Variants in LIFR observed in about 807,000 individuals in gnomAD.
LIFR encodes the protein leukemia inhibitory factor receptor.
Under a neutral mutation model 122.2 loss-of-function variants are expected in LIFR, and 84 were observed. That is an observed-to-expected ratio of 0.69 (90% CI 0.58 to 0.82). The LOEUF (loss-of-function observed/expected upper bound fraction) is 0.82. Among genes scored for constraint, LIFR ranks in the 40% least tolerant of loss-of-function variants. The pLI, the probability that LIFR is intolerant of heterozygous loss-of-function variation, is 0.00. For missense variants in LIFR, 1,294 were observed against 1,311.6 expected, an observed-to-expected ratio of 0.99 and a Z score of 0.21; for synonymous variants, 422 against 434.7, an observed-to-expected ratio of 0.97 and a Z score of 0.36.
intron 4 of LIFR, among the ~76,000 whole-genome samples, chr5:38,524,836 T>A (rs1236307169): frequency 2.0e-5 from 3 of 152,054 alleles, no homozygotes. Context: ...AACACCAACA[T>A]GAATCCAGAG....
chr5:38,570,938 T>A (rs536293706), intron 1 of LIFR, among the ~76,000 whole-genome samples: 2 of 152,346 alleles, frequency 1.3e-5, no homozygotes, highest in South Asian at 4.1e-4. Context: ...TATTCATTCG[T>A]TTGTGTATTC....
At chr5:38,518,221 A>T (rs1746209498) in intron 5 of LIFR, among the ~76,000 whole-genome samples, 1 of 152,034 alleles carries the variant, frequency 6.6e-6, no homozygotes, top group South Asian at 2.1e-4. Context: ...TTTTAAATTA[A>T]AATATATATA....
chr5:38,519,001 C>G (rs983655357), intron 5 of LIFR, among the ~76,000 whole-genome samples: 1 of 152,076 alleles, frequency 6.6e-6, no homozygotes, highest in Non-Finnish European at 1.5e-5. Flanking sequence ...TACAAAAAAG[C>G]TTGTAGAGTA....
chr5:38,525,479 T>C (rs1433406146), intron 4 of LIFR, among the ~76,000 whole-genome samples: 4 of 152,122 alleles, frequency 2.6e-5, no homozygotes, highest in African/African-American at 9.7e-5. Context: ...CACATTAATC[T>C]CGGAACTTAA....
intron 1 of LIFR, among the ~76,000 whole-genome samples, chr5:38,567,617 C>G (rs1413897137): frequency 1.3e-5 from 2 of 151,666 alleles, no homozygotes; most frequent in Non-Finnish European, 2.9e-5. Context: ...GAACCTCCGC[C>G]TCTTGGGTTC....
chr5:38,480,192 C>T lies in LIFR; in HGVS notation c.*1403G>A. The T allele has an allele frequency of 4.4e-6, 1 of 228,334 alleles. No individual in the cohort carries two copies. Among genetic ancestry groups the T allele is most frequent in the Non-Finnish European group, 8.7e-6 (1 of 115,112 alleles). 14.1% of individuals were successfully genotyped at this position (228,334 alleles called of 1,614,324 possible). A position where few individuals can be genotyped will look rare whatever the true frequency, so the allele number is the denominator to read the frequency against. On this transcript the variant is annotated 3_prime_UTR_variant, in exon 20 of 20. Coordinates refer to ENST00000453190, the MANE Select transcript of LIFR (RefSeq NM_001127671.2). ...CACTTAAAATTTTCAAGTACTTTTG[C>T]CTTAAATATGAAAAGGTAAAATACA...
chr5:38,525,820 T>C (rs566357101), intron 4 of LIFR, among the ~76,000 whole-genome samples: 47 of 152,314 alleles, frequency 3.1e-4, no homozygotes, highest in African/African-American at 1.1e-3. Flanking sequence ...TTCTTTCAAA[T>C]GATTCAGGAT....
intron 1 of LIFR, among the ~76,000 whole-genome samples, chr5:38,540,401 A>C (rs1026731767): frequency 2.0e-5 from 3 of 152,230 alleles, no homozygotes; most frequent in Non-Finnish European, 4.4e-5. Flanking sequence ...CACTTCCACT[A>C]ATCACATTAT....
intron 1 of LIFR, among the ~76,000 whole-genome samples, chr5:38,541,488 G>A (rs1747590116): frequency 6.6e-6 from 1 of 152,190 alleles, no homozygotes; most frequent in African/African-American, 2.4e-5. Flanking sequence ...TCTAATACAT[G>A]AAAGATGAGT....
intron 1 of LIFR, among the ~76,000 whole-genome samples, chr5:38,553,669 T>TTA (rs1748360376): frequency 8.7e-6 from 1 of 114,876 alleles, no homozygotes; most frequent in African/African-American, 3.4e-5. Flanking sequence ...TATATATATA[T>TTA]ATATTATATG....
chr5:38,498,519 T>C (rs1745004794), intron 12 of LIFR, among the ~76,000 whole-genome samples: 1 of 152,190 alleles, frequency 6.6e-6, no homozygotes, highest in Non-Finnish European at 1.5e-5. Context: ...CCCAGTGGCA[T>C]ACCTTTTGAA....
At chr5:38,584,886 CTA>C (rs780059857) in intron 1 of LIFR, among the ~76,000 whole-genome samples, 3 of 152,098 alleles carry the variant, frequency 2.0e-5, no homozygotes, top group South Asian at 2.1e-4. Flanking sequence ...ACAAAAGTGA[CTA>C]TGTGAGAGGA....
At chr5:38,594,617 G>C (rs1750037970) in intron 1 of LIFR, among the ~76,000 whole-genome samples, 1 of 152,030 alleles carries the variant, frequency 6.6e-6, no homozygotes, top group South Asian at 2.1e-4. Flanking sequence ...ACCTAAAACT[G>C]CTCTAAGAAA....
Position 38,506,203 on chromosome 5 carries a change from A to G in LIFR, c.1122-129T>C, listed in dbSNP as rs74371963. On this transcript the variant is annotated intron_variant, in intron 8 of 19. Transcript: ENST00000453190. ...CTAATTAGAAGCATATTACATACTC[A>G]GAGAAGAAAATGTATGTGATACAGA... 1,443 of 661,780 alleles carry G rather than the reference A, an allele frequency of 2.2e-3. 7 individuals are homozygous for G. The highest frequency in any genetic ancestry group is 0.02 in the African/African-American group (1,114 of 54,970). The allele number at this position is 661,780 out of a possible 1,614,324, so 41.0% of individuals were successfully genotyped here. A position where few individuals can be genotyped will look rare whatever the true frequency, so the allele number is the denominator to read the frequency against.
intron 12 of LIFR, among the ~76,000 whole-genome samples, chr5:38,498,403 T>C (rs1202245180): frequency 6.6e-6 from 1 of 152,178 alleles, no homozygotes; most frequent in Non-Finnish European, 1.5e-5. Context: ...CATCTCCAAG[T>C]GATCCCATTT....
upstream of LIFR, among the ~76,000 whole-genome samples, chr5:38,598,514 C>T (rs1359152407): frequency 6.6e-6 from 1 of 151,934 alleles, no homozygotes. Flanking sequence ...CCAAAAGGCA[C>T]ACTTTCAATC....
intron 1 of LIFR, among the ~76,000 whole-genome samples, chr5:38,548,930 C>G (rs1748042723): frequency 6.6e-6 from 1 of 152,102 alleles, no homozygotes; most frequent in Non-Finnish European, 1.5e-5. Context: ...AGAATACTGG[C>G]TTTAATCACC....
chr5:38,484,778 T>C lies in LIFR; in HGVS notation c.2588A>G (p.Glu863Gly), dbSNP rs759695355. The change falls in exon 18 of 20, where the codon GAA becomes GGA. Residue 863 changes from glutamate to glycine, a missense_variant. Transcript: ENST00000453190. ...VTSILCYRKREWIKETFYPDI... is the reference protein window; with the variant it reads ...VTSILCYRKRGWIKETFYPDI... Reference sequence around the variant, plus strand: ...AGAGTAAATGCAGAACTATTACCATTCTCGTTTCCGATAGCAAAGGATACT... The same window carrying C: ...AGAGTAAATGCAGAACTATTACCATCCTCGTTTCCGATAGCAAAGGATACT... 2 of 1,605,076 alleles carry C rather than the reference T, an allele frequency of 1.2e-6. No individual in the cohort carries two copies. The highest frequency in any genetic ancestry group is 2.2e-5 in the South Asian group (2 of 90,858).
At position 38,592,942 on chromosome 5, in the gene LIFR, C is replaced by T. The variant is rs142150286; in HGVS notation, c.-20+2319G>A. Among the ~76,000 whole-genome samples, 1,082 of 152,106 alleles carry T rather than the reference C, an allele frequency of 7.1e-3. 14 individuals are homozygous for T. Among genetic ancestry groups the T allele is most frequent in the African/African-American group, 0.025 (1,027 of 41,506 alleles). ...AGGAGCAGCTGGGCGTGGTGGCTCA[C>T]GCCTGTAATCCCAGCACTTTGGGAG... On this transcript the variant is annotated intron_variant, in intron 1 of 19. Coordinates refer to the LIFR transcript ENST00000263409.
Sources: gnomAD v4.1 joint callset for allele counts (sites outside exome capture counted in the v4.1 genomes callset) on GRCh38, gnomAD v4.1.1 for gene constraint, MANE v1.5 for transcripts, NCBI Gene and HGNC (gene_info 2026-07-23, HGNC 2026-07-21) for gene names.